The following DPP6 variants were observed in gnomAD, a reference collection of about 807,000 sequenced individuals.
DPP6 encodes A-type potassium channel modulatory protein DPP6.
A neutral mutation model predicts 122.6 loss-of-function variants in DPP6; 69 were observed. The observed-to-expected ratio is 0.56, with a 90% confidence interval of 0.46 to 0.69. DPP6 has a LOEUF of 0.69. Ranked by LOEUF, DPP6 falls within the 30% of genes least tolerant of loss-of-function variation. The pLI is 0.00. For missense variants in DPP6, 928 were observed against 1,116.9 expected (o/e 0.83, Z 2.41); for synonymous variants, 418 against 433.1 (o/e 0.97, Z 0.43).
At chr7:154,276,408 C>A (rs1804131423) in intron 1 of DPP6, among the ~76,000 whole-genome samples, 1 of 152,138 alleles carries the variant, frequency 6.6e-6, no homozygotes, top group Non-Finnish European at 1.5e-5. Context: ...AGAACATTTC[C>A]CTTTTGACAG....
At chr7:153,923,777 A>G (rs1205106233) in intron 1 of DPP6, among the ~76,000 whole-genome samples, 1 of 151,140 alleles carries the variant, frequency 6.6e-6, no homozygotes, top group East Asian at 1.9e-4. Context: ...AAAAAAAAAA[A>G]AAAAAGAAGA....
chr7:154,552,990 G>A (rs1026182650), intron 4 of DPP6, among the ~76,000 whole-genome samples: 2 of 152,180 alleles, frequency 1.3e-5, no homozygotes, highest in African/African-American at 4.8e-5. Context: ...TTTACTCAGG[G>A]ACAAGATGTC....
chr7:154,232,520 G>C (rs1800977779), intron 1 of DPP6, among the ~76,000 whole-genome samples: 1 of 152,180 alleles, frequency 6.6e-6, no homozygotes, highest in South Asian at 2.1e-4. Flanking sequence ...TGTTATTCCT[G>C]CTTAAGTGAC....
intron 16 of DPP6, among the ~76,000 whole-genome samples, chr7:154,836,890 A>G (rs556393359): frequency 1.3e-5 from 2 of 152,228 alleles, no homozygotes; most frequent in Non-Finnish European, 2.9e-5. Flanking sequence ...TATTTTTAGT[A>G]GAGACAGGGT....
chr7:154,757,972 C>CCGCCCTCTCCCCA (rs1563177696), intron 8 of DPP6, among the ~76,000 whole-genome samples: 1 of 152,042 alleles, frequency 6.6e-6, no homozygotes, highest in African/African-American at 2.4e-5. Context: ...CGCTCTCCCC[C>CCGCCCTCTCCCCA]CCGCCCTCTC....
intron 4 of DPP6, among the ~76,000 whole-genome samples, chr7:154,551,050 G>A (rs1009724313): frequency 1.3e-5 from 2 of 151,886 alleles, no homozygotes; most frequent in Admixed American, 1.3e-4. Flanking sequence ...TGCCCCTATG[G>A]GTAATCTAAT....
intron 7 of DPP6, among the ~76,000 whole-genome samples, chr7:154,724,354 GC>G (rs1406126797): frequency 1.3e-5 from 2 of 152,106 alleles, no homozygotes; most frequent in African/African-American, 2.4e-5. Context: ...GAACAACTTT[GC>G]CTCATCCCAC....
the DPP6 span, among the ~76,000 whole-genome samples, chr7:153,864,672 TACACACACACACACACACACAC>T: frequency 1.6e-4 from 21 of 135,274 alleles, no homozygotes; most frequent in Middle Eastern, 4.0e-3. Flanking sequence ...ATAATAATAA[TACACACACACACACACACACAC>T]ACACACACAC....
chr7:154,151,673 G>A (rs1336866296), intron 1 of DPP6, among the ~76,000 whole-genome samples: 5 of 128,974 alleles, frequency 3.9e-5, no homozygotes, highest in African/African-American at 5.5e-5. Flanking sequence ...CAGTGCGTGC[G>A]TGCACTTCCA....
At chr7:154,678,460 C>T (rs914011866) in intron 7 of DPP6, among the ~76,000 whole-genome samples, 1 of 152,126 alleles carries the variant, frequency 6.6e-6, no homozygotes, top group Non-Finnish European at 1.5e-5. Context: ...CTGTGACACT[C>T]ACTGCGAAGG....
intron 1 of DPP6, among the ~76,000 whole-genome samples, chr7:154,130,495 A>G (rs532066728): frequency 1.3e-5 from 2 of 152,232 alleles, no homozygotes; most frequent in Non-Finnish European, 2.9e-5. Flanking sequence ...AGGTCAAAGC[A>G]GGATGATGTT....
Position 153,944,663 on chromosome 7 carries a change from G to GTT in DPP6, c.51+56929_51+56930insTT, listed in dbSNP as rs769081715. On this transcript the variant is annotated intron_variant, in intron 1 of 25. Coordinates refer to the DPP6 transcript ENST00000404039. ...ACCATCAGTTTCTTATTTTTGTGTG[G>GTT]GTTTTTTTTTTTTTTTTTTTTTTGA... Among the ~76,000 whole-genome samples, 564 of 103,944 alleles carry GTT rather than the reference G, an allele frequency of 5.4e-3. 4 individuals are homozygous for GTT. The highest frequency in any genetic ancestry group is 9.6e-3 in the African/African-American group (251 of 26,086). The allele number at this position is 103,944 out of a possible 152,430, so 68.2% of individuals were successfully genotyped here. A position where few individuals can be genotyped will look rare whatever the true frequency, so the allele number is the denominator to read the frequency against.
intron 7 of DPP6, among the ~76,000 whole-genome samples, chr7:154,691,709 C>T (rs986980126): frequency 1.3e-5 from 2 of 152,096 alleles, no homozygotes; most frequent in African/African-American, 4.8e-5. Context: ...GTCCCAGCTA[C>T]TCAGGAAGCT....
chr7:154,138,163 CT>C (rs1259158524), intron 1 of DPP6, among the ~76,000 whole-genome samples: 3 of 152,188 alleles, frequency 2.0e-5, no homozygotes, highest in Admixed American at 2.0e-4. Flanking sequence ...TTCATTTACT[CT>C]CTCAGAAGTT....
chr7:154,336,986 T>A (rs1017407385), intron 1 of DPP6, among the ~76,000 whole-genome samples: 1 of 152,142 alleles, frequency 6.6e-6, no homozygotes, highest in Non-Finnish European at 1.5e-5. Context: ...TCTTTCCCAG[T>A]GAGCATCTGA....
intron 16 of DPP6, among the ~76,000 whole-genome samples, chr7:154,826,990 T>C (rs1313215126): frequency 2.0e-5 from 3 of 152,046 alleles, no homozygotes; most frequent in African/African-American, 7.2e-5. Flanking sequence ...TGAGACAACA[T>C]GAACATGAAT....
rs1006762241 is a variant in DPP6, at chr7:154,305,658, G to A, written c.244-140556G>A. Reference sequence around the variant, plus strand: ...AGACAGAGAGGGAGGATATGTATTTGGGGAAGAATTTTGTATTTTGTATTG... The same window carrying A: ...AGACAGAGAGGGAGGATATGTATTTAGGGAAGAATTTTGTATTTTGTATTG... On this transcript the variant is annotated intron_variant, in intron 1 of 25. Transcript: ENST00000377770. 3.6e-5 allele frequency: 53 copies of A among 1,464,814 alleles called. No homozygotes were observed. In the South Asian group the frequency reaches 6.8e-4, roughly 19 times the overall value. The allele number at this position is 1,464,814 out of a possible 1,614,324, so 90.7% of individuals were successfully genotyped here.
Position 154,039,999 on chromosome 7 carries a change from G to GC in DPP6, c.51+152270dup, listed in dbSNP as rs1799678523. On this transcript the variant is annotated intron_variant, in intron 1 of 25. Coordinates refer to the DPP6 transcript ENST00000404039. The stretch of plus-strand genomic sequence containing the variant: ...GCTTGCATTTCTGAGCTCCCAGGGC[G>GC]CCCCCAAGTGGCGATGTCAAGCTCC... Among the ~76,000 whole-genome samples the GC allele has an allele frequency of 2.7e-5, 3 of 111,624 alleles. 1 individual carries two copies. The highest frequency in any genetic ancestry group is 2.6e-4 in the South Asian group (1 of 3,810). 73.2% of individuals were successfully genotyped at this position (111,624 alleles called of 152,430 possible). A position where few individuals can be genotyped will look rare whatever the true frequency, so the allele number is the denominator to read the frequency against.
At chr7:154,459,033 G>A (rs1451522786) in intron 2 of DPP6, among the ~76,000 whole-genome samples, 2 of 152,086 alleles carry the variant, frequency 1.3e-5, no homozygotes. Flanking sequence ...GGAATCTCCA[G>A]TATTGACTTA....
Sources: allele counts gnomAD v4.1 joint callset (sites outside exome capture counted in the v4.1 genomes callset), GRCh38; gene constraint gnomAD v4.1.1; transcripts MANE v1.5; gene names NCBI Gene and HGNC (gene_info 2026-07-23, HGNC 2026-07-21).